CGN: variants seen among roughly 807,000 people sequenced by gnomAD.
CGN encodes cingulin.
In CGN, 121 loss-of-function variants were observed where a neutral mutation model predicts 157.1. That is an observed-to-expected ratio of 0.77 (90% CI 0.66 to 0.90). The LOEUF is 0.90. CGN is among the 40% of genes least tolerant of loss of function. CGN has a pLI of 0.00. For missense variants in CGN, 1,424 were observed against 1,520.9 expected (o/e 0.94, Z 1.06); for synonymous variants, 535 against 607.5 (o/e 0.88, Z 1.76).
intron 20 of CGN, 109 bp from the exon 21 acceptor site, chr1:151,537,096 A>C (rs970822218): frequency 2.2e-6 from 3 of 1,346,410 alleles, no homozygotes; most frequent in East Asian, 4.7e-5. Context: ...GGATTTTGTG[A>C]ATAAACTTTA....
chr1:151,534,901 G>C, intron 15 of CGN, 141 bp from the exon 16 acceptor site: 1 of 644,018 alleles, frequency 1.6e-6, no homozygotes, highest in Non-Finnish European at 2.8e-6. Flanking sequence ...AGTGGCTCTG[G>C]GTCCAGGCAA....
Position 151,524,248 on chromosome 1 carries a change from T to C in CGN, c.1291T>C (p.Leu431=), listed in dbSNP as rs765050263. ...NKELQNMKRL[L]DQGEDLRHGL... Reference sequence around the variant, plus strand: ...TAGGCTCCAGAACATGAAGCGCCTCTTGGACCAGGGTGAAGATTTACGACA... The same window carrying C: ...TAGGCTCCAGAACATGAAGCGCCTCCTGGACCAGGGTGAAGATTTACGACA... Residue 431 remains leucine, a synonymous_variant, in exon 7 of 21, where the codon TTG becomes CTG. Transcript: ENST00000271636. The surrounding 1 kb of genome is among the most constrained non-coding windows in gnomAD (Gnocchi z 4.4). The C allele has an allele frequency of 6.2e-7, 1 of 1,613,968 alleles. No individual in the cohort carries two copies. The highest frequency in any genetic ancestry group is 1.1e-5 in the South Asian group (1 of 91,054).
rs1251671760 is a variant in CGN, at chr1:151,524,798, C to T, written c.1526C>T (p.Ala509Val). The change falls in exon 8 of 21, where the codon GCC becomes GTC. Residue 509 changes from alanine (A) to valine (V), a missense_variant. Ala to Val is a moderately conservative substitution (Grantham distance 64, BLOSUM62 0). Transcript: ENST00000271636. The surrounding 1 kb of genome is among the most constrained non-coding windows in gnomAD (Gnocchi z 4.4). ...ALKGALKEEV[A>V]SRDQEVEHVR... is the part of the protein sequence containing the mutation. ...AAGGGGGCCCTGAAAGAGGAGGTAG[C>T]CTCCCGTGACCAGGAGGTGGAACAT... 6.2e-7 allele frequency: 1 copy of T among 1,612,700 alleles called. No individual in the cohort carries two copies.
upstream of CGN, among the ~76,000 whole-genome samples, chr1:151,510,313 T>C (rs1391097266): frequency 6.6e-6 from 1 of 152,156 alleles, no homozygotes; most frequent in African/African-American, 2.4e-5. Context: ...TCTACTCCAA[T>C]AGATACAGGG....
Position 151,524,267 on chromosome 1 carries a change from T to TA in CGN, c.1311dup (p.Arg438ThrfsTer22), listed in dbSNP as rs1557988661. The TA allele has an allele frequency of 6.2e-7, 1 of 1,614,200 alleles. No homozygotes were observed. The highest frequency in any genetic ancestry group is 8.5e-7 in the Non-Finnish European group (1 of 1,180,030). On this transcript the variant is annotated frameshift_variant, in exon 7 of 21. Coordinates refer to ENST00000271636, the MANE Select transcript of CGN (RefSeq NM_020770.3). LOFTEE classifies it high-confidence loss of function. This position sits in a 1 kb window ranked among gnomAD's most constrained non-coding sequence, Gnocchi z 4.4. ...CGCCTCTTGGACCAGGGTGAAGATT[T>TA]ACGACATGGGCTGGAGACCCAGGTG...
At chr1:151,520,140 TTTTTC>T (rs2102490145) in intron 2 of CGN, 21 bp from the exon 3 acceptor site, 4 of 1,541,526 alleles carry the variant, frequency 2.6e-6, no homozygotes, top group Non-Finnish European at 3.5e-6. Flanking sequence ...CTTTCTTTTT[TTTTTC>T]TTTTTCTTTT....
Position 151,532,514 on chromosome 1 carries a change from A to G in CGN, c.2684A>G (p.Lys895Arg), listed in dbSNP as rs1319521982. Residue 895 changes from lysine to arginine, a missense_variant, in exon 14 of 21, where the codon AAG becomes AGG. Around this residue, in one of 3 missense-constraint regions of CGN, gnomAD observed 1,187 missense variants for 1,217.6 expected, o/e 0.97. Transcript: ENST00000271636. ...GTGGCAGATGCCCAGCGCCAGGCCA[A>G]GGATTGGGCCAGTGAGGCTGAGAAG... ...REVADAQRQAKDWASEAEKTS... is the reference protein window; with the variant it reads ...REVADAQRQARDWASEAEKTS... 5 of 1,606,402 alleles carry G rather than the reference A, an allele frequency of 3.1e-6. No individual in the cohort carries two copies. The highest frequency in any genetic ancestry group is 1.7e-4 in the Middle Eastern group (1 of 6,032).
At chr1:151,532,106 G>A (rs1467965305) in intron 13 of CGN, among the ~76,000 whole-genome samples, 1 of 152,142 alleles carries the variant, frequency 6.6e-6, no homozygotes, top group Non-Finnish European at 1.5e-5. Context: ...ATTAACTAAT[G>A]TAATTCTCAC....
At chr1:151,523,965 A>T (rs1341192061) in intron 6 of CGN, among the ~76,000 whole-genome samples, 1 of 152,152 alleles carries the variant, frequency 6.6e-6, no homozygotes, top group Non-Finnish European at 1.5e-5. Flanking sequence ...CCAGAAGCTT[A>T]GTTTCTACTG....
chr1:151,534,214 C>T, intron 15 of CGN, 78 bp downstream of exon 15: 1 of 1,353,234 alleles, frequency 7.4e-7, no homozygotes, highest in Non-Finnish European at 1.0e-6. Flanking sequence ...TCAAAACCGA[C>T]AGCCCACAGT....
chr1:151,527,950 A>ATTT (rs374689451), intron 10 of CGN: 90 of 81,486 alleles, frequency 1.1e-3, no homozygotes, highest in African/African-American at 1.4e-3. Flanking sequence ...ATATATATAT[A>ATTT]TTTTTTTTTT....
intron 5 of CGN, among the ~76,000 whole-genome samples, chr1:151,523,199 G>A (rs1270698621): frequency 2.0e-5 from 3 of 152,298 alleles, no homozygotes; most frequent in Admixed American, 2.0e-4. Context: ...GAGGCAAACA[G>A]AATTAGGCTT....
chr1:151,537,067 C>T, intron 20 of CGN, 138 bp from the exon 21 acceptor site: 2 of 1,224,440 alleles, frequency 1.6e-6, no homozygotes, highest in Non-Finnish European at 2.3e-6. Context: ...CCTGTACCTC[C>T]CCAAATCTGA....
At chr1:151,531,133 T>A (rs1664826900) in intron 13 of CGN, among the ~76,000 whole-genome samples, 1 of 151,122 alleles carries the variant, frequency 6.6e-6, no homozygotes, top group Non-Finnish European at 1.5e-5. Context: ...AGAGCAAGAC[T>A]CTGTCTTAAG....
At chr1:151,533,916 G>GC in intron 14 of CGN, 59 bp from the exon 15 acceptor site, 1 of 1,497,502 alleles carries the variant, frequency 6.7e-7, no homozygotes, top group South Asian at 1.3e-5. Context: ...GACTGCTCCT[G>GC]CCCCTCAACC....
Position 151,532,358 on chromosome 1 carries a change from G to A in CGN, c.2572-44G>A, listed in dbSNP as rs1664854560. 5 of 1,397,678 alleles carry A rather than the reference G, an allele frequency of 3.6e-6. No homozygotes were observed. The East Asian group carries it at 1.1e-4, about 30-fold the overall frequency. The allele number at this position is 1,397,678 out of a possible 1,614,324, so 86.6% of individuals were successfully genotyped here. On this transcript the variant is annotated intron_variant, in intron 13 of 20. Transcript: ENST00000271636. ...TCTTGGGAGTCTGGGCCTGGAGAGG[G>A]TCATTTATGTACAGTGCTGAAGACC...
At position 151,532,544 on chromosome 1, in the gene CGN, C is replaced by G; in HGVS notation, c.2714C>G (p.Ser905Cys). The change falls in exon 14 of 21, where the codon TCT (serine) becomes TGT (cysteine). Residue 905 changes from serine (S) to cysteine (C), a missense_variant. Ser to Cys is a moderately radical substitution (Grantham distance 112). This residue lies in a region of CGN where 1,187 missense variants were observed against 1,217.6 expected (regional missense o/e 0.97). Coordinates refer to ENST00000271636, the MANE Select transcript of CGN (RefSeq NM_020770.3). ...KDWASEAEKTSGGLSRLQDEI... is the reference protein window; with the variant it reads ...KDWASEAEKTCGGLSRLQDEI... ...TGGGCCAGTGAGGCTGAGAAGACCT[C>G]TGGAGGACTGAGCCGACTTCAGGAT... is the stretch of plus-strand genomic sequence containing the variant. 1 of 1,570,728 alleles carries G rather than the reference C, an allele frequency of 6.4e-7. No individual in the cohort carries two copies. Among genetic ancestry groups the G allele is most frequent in the South Asian group, 1.2e-5 (1 of 85,404 alleles).
rs999558694 is a variant in CGN, at chr1:151,519,359, G to A, written c.840G>A (p.Pro280=). Residue 280 remains proline, a synonymous_variant, in exon 2 of 21, where the codon CCG becomes CCA. Coordinates refer to ENST00000271636, the MANE Select transcript of CGN (RefSeq NM_020770.3). ...QDWVLQSFEE[P]RRSAQDPTML... ...GGGTCCTTCAGAGTTTTGAGGAGCCGCGGAGGAGTGCACAGGACCCCACCA... is the reference window on the plus strand; with the variant it reads ...GGGTCCTTCAGAGTTTTGAGGAGCCACGGAGGAGTGCACAGGACCCCACCA... The A allele has an allele frequency of 1.4e-5, 23 of 1,601,772 alleles. No homozygotes were observed. Among genetic ancestry groups the A allele is most frequent in the Middle Eastern group, 1.7e-4 (1 of 5,912 alleles).
rs1443233293 is a variant in CGN at position 151,535,842 on chromosome 1, C to G, written c.3141C>G (p.Leu1047=). 6 of 1,614,090 alleles carry G rather than the reference C, an allele frequency of 3.7e-6. No individual in the cohort carries two copies. The highest frequency in any genetic ancestry group is 5.1e-6 in the Non-Finnish European group (6 of 1,180,042). ...GCTTCCAGAAGCCTAGTGCCAGCCTCTCTCAGCTTGAGTCCCAGAATCAGT... is the reference window on the plus strand; with the variant it reads ...GCTTCCAGAAGCCTAGTGCCAGCCTGTCTCAGCTTGAGTCCCAGAATCAGT... The part of the protein sequence containing the change: ...SEGFQKPSAS[L]SQLESQNQLL... The change falls in exon 18 of 21, where the codon CTC becomes CTG. Residue 1047 remains leucine (L), a synonymous_variant. Transcript: ENST00000271636.
Sources: gnomAD v4.1 joint callset for allele counts (sites outside exome capture counted in the v4.1 genomes callset) on GRCh38, gnomAD v4.1.1 for gene constraint, gnomAD v4.1.1 regional missense constraint, Gnocchi (gnomAD v3.1) non-coding constraint, MANE v1.5 for transcripts, NCBI Gene and HGNC (gene_info 2026-07-23, HGNC 2026-07-21) for gene names.